DNAH12: variants seen among roughly 807,000 people sequenced by gnomAD.
The protein encoded by DNAH12 is dynein axonemal heavy chain 12.
DNAH12 carries 285 observed loss-of-function variants against 371.5 expected under a neutral mutation model. The ratio of observed to expected loss-of-function variants is 0.77; its 90% CI spans 0.70 to 0.85. The LOEUF is 0.85. Among genes scored for constraint, DNAH12 ranks in the 40% least tolerant of loss-of-function variants. DNAH12 has a pLI of 0.00. For missense variants in DNAH12, 3,611 were observed against 3,689.4 expected (o/e 0.98, Z 0.55); for synonymous variants, 1,200 against 1,213.0 (o/e 0.99, Z 0.22).
At chr3:57,294,833 G>A (rs1036161655) in intron 73 of DNAH12, among the ~76,000 whole-genome samples, 1 of 152,096 alleles carries the variant, frequency 6.6e-6, no homozygotes, top group African/African-American at 2.4e-5. Context: ...TCCAAACTAA[G>A]GTCACGTTTC....
chr3:57,295,062 T>C (rs1158335790), intron 73 of DNAH12, among the ~76,000 whole-genome samples: 2 of 152,084 alleles, frequency 1.3e-5, no homozygotes, highest in Admixed American at 6.6e-5. Flanking sequence ...TGGGGCAAAA[T>C]TGGCCCCCAC....
chr3:57,417,193 T>C (rs890213898), intron 37 of DNAH12, among the ~76,000 whole-genome samples: 8 of 151,660 alleles, frequency 5.3e-5, no homozygotes, highest in African/African-American at 1.5e-4. Flanking sequence ...GAGGTTGTGG[T>C]GAGCTGAGAT....
At chr3:57,494,814 G>A (rs1436903454) in intron 11 of DNAH12, among the ~76,000 whole-genome samples, 2 of 151,990 alleles carry the variant, frequency 1.3e-5, no homozygotes, top group East Asian at 1.9e-4. Flanking sequence ...TTTGAGATCA[G>A]CCTAGGCAAC....
At chr3:57,540,286 G>T (rs2069223128) in intron 2 of DNAH12, among the ~76,000 whole-genome samples, 1 of 150,562 alleles carries the variant, frequency 6.6e-6, no homozygotes, top group Non-Finnish European at 1.5e-5. Flanking sequence ...CCTGACCTCA[G>T]GTGATTCACC....
chr3:57,418,905 ATG>A (rs1269372569), intron 37 of DNAH12, among the ~76,000 whole-genome samples: 6 of 152,266 alleles, frequency 3.9e-5, no homozygotes, highest in South Asian at 4.1e-4. Flanking sequence ...GATCAGTTTC[ATG>A]TGTCTTTACT....
chr3:57,389,842 T>TATATATATATATATATATATATAAAAA (rs2063578029), intron 45 of DNAH12, among the ~76,000 whole-genome samples: 1 of 70,476 alleles, frequency 1.4e-5, no homozygotes, highest in Non-Finnish European at 3.7e-5. Context: ...ATATATATAA[T>TATATATATATATATATATATATAAAAA]ACTTTTTTTT....
chr3:57,463,638 G>C (rs990202782), intron 17 of DNAH12, among the ~76,000 whole-genome samples: 2 of 151,850 alleles, frequency 1.3e-5, no homozygotes, highest in Admixed American at 1.3e-4. Flanking sequence ...ACCTTCCATT[G>C]GTTATCACCA....
intron 65 of DNAH12, among the ~76,000 whole-genome samples, chr3:57,316,132 C>T (rs1163120900): frequency 1.3e-5 from 2 of 149,218 alleles, no homozygotes; most frequent in African/African-American, 4.9e-5. Flanking sequence ...AACCCCTTCC[C>T]CTTTTTTTTT....
In DNAH12 at chr3:57,458,263, A is replaced by G. The variant is rs759108997; in HGVS notation, c.2932-43T>C. Reference sequence around the variant, plus strand: ...ATTCAAGTCAGCACTTTTATGCCAGATATAATTATGACTTAAATATCAATC... The same window carrying G: ...ATTCAAGTCAGCACTTTTATGCCAGGTATAATTATGACTTAAATATCAATC... On this transcript the variant is annotated intron_variant, in intron 20 of 73. Coordinates refer to ENST00000495027, the MANE Select transcript of DNAH12 (RefSeq NM_001366028.2). 10 of 1,509,554 alleles carry G rather than the reference A, an allele frequency of 6.6e-6. No individual in the cohort carries two copies. The South Asian group carries it at 1.1e-4, about 16-fold the overall frequency. The allele number at this position is 1,509,554 out of a possible 1,614,324, so 93.5% of individuals were successfully genotyped here.
chr3:57,335,066 G>T, intron 60 of DNAH12, 126 bp from the exon 61 acceptor site: 1 of 985,110 alleles, frequency 1.0e-6, no homozygotes, highest in African/African-American at 1.6e-5. Flanking sequence ...TAAACAACTA[G>T]AAAACTGGAC....
intron 43 of DNAH12, among the ~76,000 whole-genome samples, chr3:57,397,012 G>A (rs1167534707): frequency 3.3e-5 from 5 of 152,160 alleles, no homozygotes; most frequent in African/African-American, 1.2e-4. Context: ...GTGACATAGT[G>A]AGAGTCCATC....
intron 11 of DNAH12, among the ~76,000 whole-genome samples, chr3:57,494,223 C>T (rs1346003274): frequency 6.6e-6 from 1 of 151,920 alleles, no homozygotes. Context: ...CAGAGTGAGA[C>T]CCTGTCTTAA....
chr3:57,440,566 T>C (rs1034606723), intron 29 of DNAH12, among the ~76,000 whole-genome samples: 1 of 152,180 alleles, frequency 6.6e-6, no homozygotes, highest in Non-Finnish European at 1.5e-5. Context: ...AAAAACTAAC[T>C]ATTGGGTACT....
At chr3:57,538,783 A>G (rs534708149) in intron 2 of DNAH12, among the ~76,000 whole-genome samples, 1 of 152,224 alleles carries the variant, frequency 6.6e-6, no homozygotes, top group East Asian at 1.9e-4. Flanking sequence ...ACAATTCCCT[A>G]TAGCTTTAAA....
chr3:57,508,550 CA>C lies in DNAH12; in HGVS notation c.543-11del. 2.5e-6 allele frequency: 4 copies of C among 1,603,100 alleles called. No individual in the cohort carries two copies. The highest frequency in any genetic ancestry group is 1.8e-5 in the Admixed American group (1 of 56,866). ...AGAATAATCTAGGCCTCTGGAAAAG[CA>C]AAACACCATATCAAACATGATGAAA... On this transcript the variant is annotated splice_polypyrimidine_tract_variant and intron_variant, in intron 6 of 73. Transcript: ENST00000495027.
chr3:57,381,829 G>T (rs1186829377), intron 50 of DNAH12, among the ~76,000 whole-genome samples: 1 of 151,840 alleles, frequency 6.6e-6, no homozygotes, highest in Non-Finnish European at 1.5e-5. Flanking sequence ...GGAGAATTCT[G>T]CATAGACAGA....
chr3:57,401,394 A>G (rs2153351223), intron 43 of DNAH12, among the ~76,000 whole-genome samples: 1 of 81,424 alleles, frequency 1.2e-5, no homozygotes, highest in East Asian at 5.8e-4. Context: ...ACTAAAATAC[A>G]AAAAAAAAAA....
chr3:57,396,319 T>C (rs1362421437), intron 43 of DNAH12, among the ~76,000 whole-genome samples: 2 of 139,182 alleles, frequency 1.4e-5, no homozygotes, highest in African/African-American at 2.6e-5. Flanking sequence ...AAGAGAACCA[T>C]AAACATTTTA....
At chr3:57,495,879 A>T (rs903537437) in intron 11 of DNAH12, among the ~76,000 whole-genome samples, 9 of 143,094 alleles carry the variant, frequency 6.3e-5, no homozygotes, top group Non-Finnish European at 1.1e-4. Context: ...ATATATTTTT[A>T]AAATATATTT....
Sources: gnomAD v4.1 joint callset for allele counts (sites outside exome capture counted in the v4.1 genomes callset) on GRCh38, gnomAD v4.1.1 for gene constraint, MANE v1.5 for transcripts, NCBI Gene and HGNC (gene_info 2026-07-23, HGNC 2026-07-21) for gene names.